The following SCARA5 variants were observed in gnomAD, a reference collection of about 807,000 sequenced individuals.
SCARA5 encodes the protein scavenger receptor class A, member 5 (putative).
A neutral mutation model predicts 46.3 loss-of-function variants in SCARA5; 45 were observed. That is an observed-to-expected ratio of 0.97 (90% CI 0.76 to 1.24). SCARA5 has a LOEUF of 1.24. SCARA5 is among the 50% of genes most tolerant of loss of function. SCARA5 has a pLI of 0.00. For missense variants in SCARA5, 680 were observed against 689.0 expected (o/e 0.99, Z 0.15); for synonymous variants, 333 against 306.5 (o/e 1.09, Z -0.90).
At chr8:27,897,993 C>T (rs904205472) in intron 7 of SCARA5, among the ~76,000 whole-genome samples, 2 of 152,180 alleles carry the variant, frequency 1.3e-5, no homozygotes, top group Non-Finnish European at 2.9e-5. Flanking sequence ...GCATTTTTTC[C>T]CTGCCAGGGC....
chr8:27,900,741 T>C (rs1807138300), intron 7 of SCARA5, among the ~76,000 whole-genome samples: 1 of 151,146 alleles, frequency 6.6e-6, no homozygotes, highest in South Asian at 2.1e-4. Flanking sequence ...GACCATCTAC[T>C]AGGGTAAAAC....
intron 3 of SCARA5, among the ~76,000 whole-genome samples, chr8:27,949,198 C>A (rs1808084460): frequency 6.6e-6 from 1 of 152,342 alleles, no homozygotes; most frequent in East Asian, 1.9e-4. Context: ...GCTTGGCTTT[C>A]CAGCTAATCT....
At chr8:27,975,926 G>A (rs543756496) in intron 2 of SCARA5, among the ~76,000 whole-genome samples, 2 of 152,300 alleles carry the variant, frequency 1.3e-5, no homozygotes, top group South Asian at 2.1e-4. Context: ...CAGATTTTAC[G>A]ATGGTCTGGG....
At chr8:27,922,929 C>T (rs1431666853) in intron 3 of SCARA5, among the ~76,000 whole-genome samples, 4 of 152,214 alleles carry the variant, frequency 2.6e-5, no homozygotes, top group African/African-American at 9.7e-5. Context: ...CCATGAGAAA[C>T]AGGCCCTCAC....
intron 3 of SCARA5, among the ~76,000 whole-genome samples, chr8:27,965,614 C>T (rs1447282715): frequency 6.6e-6 from 1 of 152,218 alleles, no homozygotes; most frequent in East Asian, 1.9e-4. Flanking sequence ...AGCATGGAGC[C>T]TGCTGCAAGG....
intron 7 of SCARA5, among the ~76,000 whole-genome samples, chr8:27,885,074 G>A (rs938666917): frequency 2.2e-5 from 3 of 134,998 alleles, no homozygotes; most frequent in Middle Eastern, 3.7e-3. Context: ...CATCTTGGCC[G>A]AGTGGACAAG....
intron 7 of SCARA5, among the ~76,000 whole-genome samples, chr8:27,890,869 C>T (rs944178292): frequency 6.6e-6 from 1 of 152,212 alleles, no homozygotes; most frequent in African/African-American, 2.4e-5. Context: ...AGGTATTTCA[C>T]CCTGTCTCTT....
At chr8:27,912,531 A>G (rs6558029) in intron 4 of SCARA5, among the ~76,000 whole-genome samples, 83,251 of 152,004 alleles carry the variant, frequency 0.55, 23,626 homozygotes, top group Non-Finnish European at 0.63. Context: ...CGAAGGGCGG[A>G]GTCAGGAAGC....
chr8:27,925,185 T>C (rs1807661016), intron 3 of SCARA5, among the ~76,000 whole-genome samples: 1 of 152,084 alleles, frequency 6.6e-6, no homozygotes, highest in Non-Finnish European at 1.5e-5. Flanking sequence ...GCCAAGACAA[T>C]CCTAAGCAAA....
chr8:27,974,452 T>G (rs1808493028), intron 2 of SCARA5, among the ~76,000 whole-genome samples: 1 of 146,850 alleles, frequency 6.8e-6, no homozygotes, highest in Admixed American at 6.8e-5. Flanking sequence ...GCTCTGAACA[T>G]AAAAAAAAAA....
chr8:27,988,477 C>T (rs909505582), intron 1 of SCARA5, among the ~76,000 whole-genome samples: 2 of 152,176 alleles, frequency 1.3e-5, no homozygotes, highest in Admixed American at 1.3e-4. Flanking sequence ...AAGACATGCA[C>T]GCGTAAGGTG....
In SCARA5 at chr8:27,958,163, C is replaced by T. The variant is rs142874809; in HGVS notation, c.241+8251G>A. On this transcript the variant is annotated intron_variant, in intron 3 of 8. Coordinates refer to ENST00000354914, the MANE Select transcript of SCARA5 (RefSeq NM_173833.6). Reference sequence around the variant, plus strand: ...GCTCTGGAGAACAGGGAGTACTTGTCAGATTCGCAGGCAGTGTTTCAGCTG... The same window carrying T: ...GCTCTGGAGAACAGGGAGTACTTGTTAGATTCGCAGGCAGTGTTTCAGCTG... Among the ~76,000 whole-genome samples, 446 of 152,304 alleles carry T rather than the reference C, an allele frequency of 2.9e-3. 1 individual carries two copies. Among genetic ancestry groups the T allele is most frequent in the Non-Finnish European group, 4.8e-3 (326 of 68,030 alleles).
At chr8:27,947,121 C>T (rs1049160237) in intron 3 of SCARA5, among the ~76,000 whole-genome samples, 5 of 151,764 alleles carry the variant, frequency 3.3e-5, no homozygotes, top group Non-Finnish European at 7.4e-5. Flanking sequence ...AAGTGATTCT[C>T]CTACTTCAGT....
At chr8:27,985,350 ACCCAGGTGAGCAAGTCAGAGATT>A (rs1808690341) in intron 2 of SCARA5, among the ~76,000 whole-genome samples, 1 of 152,064 alleles carries the variant, frequency 6.6e-6, no homozygotes, top group Non-Finnish European at 1.5e-5. Flanking sequence ...AGGGCAAAAG[ACCCAGGTGAGCAAGTCAGAGATT>A]CCCTGCCAAG....
intron 4 of SCARA5, among the ~76,000 whole-genome samples, chr8:27,911,485 A>T (rs977017821): frequency 6.6e-6 from 1 of 152,196 alleles, no homozygotes; most frequent in Non-Finnish European, 1.5e-5. Context: ...TGAGGTCAGG[A>T]GTTCGAGGCC....
intron 1 of SCARA5, among the ~76,000 whole-genome samples, chr8:27,991,868 C>T (rs1314809216): frequency 7.0e-6 from 1 of 141,918 alleles, no homozygotes; most frequent in Non-Finnish European, 1.5e-5. Flanking sequence ...CATGCACACA[C>T]ACACACATGC....
At chr8:27,928,057 C>T (rs975862640) in intron 3 of SCARA5, among the ~76,000 whole-genome samples, 20 of 152,264 alleles carry the variant, frequency 1.3e-4, no homozygotes, top group African/African-American at 2.2e-4. Context: ...CATCAACTTG[C>T]GTAGGGCAGC....
chr8:27,914,077 G>T (rs1275912351), intron 4 of SCARA5, among the ~76,000 whole-genome samples: 1 of 152,172 alleles, frequency 6.6e-6, no homozygotes, highest in Non-Finnish European at 1.5e-5. Flanking sequence ...ATGGGGGTGG[G>T]TCTTTCCCTT....
rs574962735 is a variant in SCARA5, at chr8:27,947,475, C to G, written c.241+18939G>C. On this transcript the variant is annotated intron_variant, in intron 3 of 8. Coordinates refer to ENST00000354914, the MANE Select transcript of SCARA5 (RefSeq NM_173833.6). ...CAGCAGCCGAAAGATGGGAGCAACC[C>G]AAATGTCCACTGACAGATGGATGGA... 1.1e-3 allele frequency among the ~76,000 whole-genome samples: 108 copies of G among 99,430 alleles called. 2 individuals are homozygous for G. In the Admixed American group the frequency reaches 0.011, roughly 10 times the overall value. 65.2% of individuals were successfully genotyped at this position (99,430 alleles called of 152,430 possible).
Sources: allele counts gnomAD v4.1 joint callset (sites outside exome capture counted in the v4.1 genomes callset), GRCh38; gene constraint gnomAD v4.1.1; transcripts MANE v1.5; gene names NCBI Gene and HGNC (gene_info 2026-07-23, HGNC 2026-07-21).